Variants in MYO15A observed in about 807,000 individuals in gnomAD.
MYO15A encodes the protein unconventional myosin-XV.
A neutral mutation model predicts 394.6 loss-of-function variants in MYO15A; 308 were observed. The observed-to-expected ratio is 0.78, with a 90% confidence interval of 0.71 to 0.86. MYO15A has a LOEUF of 0.86. Among genes scored for constraint, MYO15A ranks in the 40% least tolerant of loss-of-function variants. MYO15A has a pLI of 0.00. For missense variants in MYO15A, 4,606 were observed against 4,799.1 expected, an observed-to-expected ratio of 0.96 and a Z score of 1.19; for synonymous variants, 1,957 against 2,003.8, an observed-to-expected ratio of 0.98 and a Z score of 0.62.
rs1038297850 is a variant in MYO15A, at chr17:18,148,412, C to A, written c.6692-84C>A. 3.3e-6 allele frequency: 5 copies of A among 1,513,442 alleles called. No homozygotes were observed. In the African/African-American group the frequency reaches 6.9e-5, roughly 21 times the overall value. 93.8% of individuals were successfully genotyped at this position (1,513,442 alleles called of 1,614,324 possible). A position where few individuals can be genotyped will look rare whatever the true frequency, so the allele number is the denominator to read the frequency against. On this transcript the variant is annotated intron_variant, in intron 31 of 65. Coordinates refer to ENST00000647165, the MANE Select transcript of MYO15A (RefSeq NM_016239.4). The surrounding 1 kb of genome is among the most constrained non-coding windows in gnomAD (Gnocchi z 4.8). ...GAAGTGAGGCTACAGATACAGGAAGCCTGAAAGGAAGAAGCAAGCAGGGAG... is the reference window on the plus strand; with the variant it reads ...GAAGTGAGGCTACAGATACAGGAAGACTGAAAGGAAGAAGCAAGCAGGGAG...
rs540825599 is a variant in MYO15A at position 18,132,271 on chromosome 17, G to C, written c.4207-182G>C. Among the ~76,000 whole-genome samples the C allele has an allele frequency of 6.6e-6, 1 of 152,370 alleles. No individual in the cohort carries two copies. The highest frequency in any genetic ancestry group is 2.1e-4 in the South Asian group (1 of 4,834). On this transcript the variant is annotated intron_variant, in intron 10 of 65. Transcript: ENST00000647165. The surrounding 1 kb of genome is among the most constrained non-coding windows in gnomAD (Gnocchi z 4.6). ...ACTTCAATCATACCAGGGCACCTCT[G>C]CTTCTGCCCTCACCCGCAGCTGGCA...
chr17:18,167,798 A>C, intron 62 of MYO15A, 75 bp downstream of exon 62: 2 of 1,586,714 alleles, frequency 1.3e-6, no homozygotes, highest in Non-Finnish European at 1.7e-6. Context: ...CACCCTCCTC[A>C]GAGCTGGCAG....
rs955236518 is a variant in MYO15A at position 18,150,490 on chromosome 17, G to A, written c.7274G>A (p.Gly2425Asp). The part of the protein sequence containing the change: ...RMKGGGQPGG[G>D]SSSGTEDTPR... ...AAAGGGGGAGGCCAGCCCGGTGGAGGCAGCAGTAGTGGTACTGAAGACACC... is the reference window on the plus strand; with the variant it reads ...AAAGGGGGAGGCCAGCCCGGTGGAGACAGCAGTAGTGGTACTGAAGACACC... Residue 2425 changes from glycine to aspartate, a missense_variant, in exon 36 of 66, where the codon GGC becomes GAC. This residue lies in a region of MYO15A where 2,776 missense variants were observed against 3,109.3 expected (regional missense o/e 0.89). Transcript: ENST00000647165. This position sits in a 1 kb window ranked among gnomAD's most constrained non-coding sequence, Gnocchi z 4.4. 1.9e-6 allele frequency: 3 copies of A among 1,614,178 alleles called. No homozygotes were observed. Among genetic ancestry groups the A allele is most frequent in the Non-Finnish European group, 2.5e-6 (3 of 1,180,004 alleles).
intron 64 of MYO15A, chr17:18,173,498 A>G (rs1456486002): frequency 4.3e-6 from 2 of 460,252 alleles, no homozygotes; most frequent in Non-Finnish European, 8.1e-6. Flanking sequence ...TCAGGGCACC[A>G]ATACCTCTCT....
At position 18,155,060 on chromosome 17, in the gene MYO15A, G is replaced by T. The variant is rs982629473; in HGVS notation, c.8225-50G>T. 7 of 1,547,886 alleles carry T rather than the reference G, an allele frequency of 4.5e-6. No homozygotes were observed. In the African/African-American group the frequency reaches 8.2e-5, roughly 18 times the overall value. On this transcript the variant is annotated intron_variant, in intron 45 of 65. Transcript: ENST00000647165. Reference sequence around the variant, plus strand: ...CCTCCCTGACATCCCCGAGATGGGGGTTGCCAGGGGAGTGGGGAGAGGGTC... The same window carrying T: ...CCTCCCTGACATCCCCGAGATGGGGTTTGCCAGGGGAGTGGGGAGAGGGTC...
intron 14 of MYO15A, 42 bp from the exon 15 acceptor site, chr17:18,136,521 C>CA (rs1371503141): frequency 6.2e-7 from 1 of 1,613,896 alleles, no homozygotes; most frequent in South Asian, 1.1e-5. Flanking sequence ...CCCAGCACCC[C>CA]ACCACGGTGT....
At chr17:18,140,974 A>AT in intron 21 of MYO15A, 45 bp from the exon 22 acceptor site, 1 of 1,613,214 alleles carries the variant, frequency 6.2e-7, no homozygotes, top group Non-Finnish European at 8.5e-7. Context: ...CCTTTTGCAC[A>AT]TGGCTGAGCC....
chr17:18,117,285 A>G lies in MYO15A; in HGVS notation c.-219-1297A>G, dbSNP rs1289046496. On this transcript the variant is annotated intron_variant, in intron 1 of 65. Transcript: ENST00000647165. This position sits in a 1 kb window ranked among gnomAD's most constrained non-coding sequence, Gnocchi z 4.1. Reference sequence around the variant, plus strand: ...GAAAGTGAGCAGGGGGAAGAGGCAGACAGAGAGGGGGAGACCTCACTTGCT... The same window carrying G: ...GAAAGTGAGCAGGGGGAAGAGGCAGGCAGAGAGGGGGAGACCTCACTTGCT... Among the ~76,000 whole-genome samples the G allele has an allele frequency of 2.0e-5, 3 of 152,160 alleles. No homozygotes were observed. The highest frequency in any genetic ancestry group is 4.4e-5 in the Non-Finnish European group (3 of 68,044).
chr17:18,157,973 G>A, intron 51 of MYO15A, 73 bp downstream of exon 51: 2 of 1,439,384 alleles, frequency 1.4e-6, no homozygotes, highest in Middle Eastern at 2.6e-4. Context: ...GGTGAGGCGA[G>A]TGGGGATAAG....
intron 19 of MYO15A, 101 bp downstream of exon 19, chr17:18,139,712 C>A: frequency 1.5e-6 from 2 of 1,363,474 alleles, no homozygotes; most frequent in Non-Finnish European, 2.0e-6. Context: ...CACGTCCTGG[C>A]TCCGCTTAGC....
At position 18,141,757 on chromosome 17, in the gene MYO15A, T is replaced by C; in HGVS notation, c.5636T>C (p.Val1879Ala). The C allele has an allele frequency of 6.2e-7, 1 of 1,614,078 alleles. No individual in the cohort carries two copies. Among genetic ancestry groups the C allele is most frequent in the South Asian group, 1.1e-5 (1 of 91,084 alleles). Reference protein sequence around the residue: ...LCKVMPNMYRVGVSKLFLKEH... With the variant: ...LCKVMPNMYRAGVSKLFLKEH... ...AAAGTCATGCCAAACATGTACCGTG[T>C]TGGGGTCAGCAAGGTGAGTCCTGCC... Residue 1879 changes from valine to alanine, a missense_variant, in exon 23 of 66, where the codon GTT becomes GCT. Coordinates refer to ENST00000647165, the MANE Select transcript of MYO15A (RefSeq NM_016239.4).
At chr17:18,137,949 C>G in intron 16 of MYO15A, 166 bp from the exon 17 acceptor site, 2 of 1,021,048 alleles carry the variant, frequency 2.0e-6, no homozygotes, top group Non-Finnish European at 2.9e-6. Flanking sequence ...GCAGCAGGAC[C>G]CTGAGTTGGC....
At chr17:18,168,486 C>T (rs1210095561) in intron 62 of MYO15A, among the ~76,000 whole-genome samples, 1 of 151,766 alleles carries the variant, frequency 6.6e-6, no homozygotes, top group African/African-American at 2.4e-5. Context: ...ATGACGTGAA[C>T]CCGGGAGGCG....
At chr17:18,126,721 T>C (rs2046049933) in intron 5 of MYO15A, 70 bp from the exon 6 acceptor site, 1 of 1,515,408 alleles carries the variant, frequency 6.6e-7, no homozygotes, top group African/African-American at 1.4e-5. Context: ...ATACGGATGC[T>C]CCCTGCCCAA....
intron 35 of MYO15A, 116 bp downstream of exon 35, chr17:18,149,696 G>A: frequency 2.8e-6 from 3 of 1,070,130 alleles, no homozygotes; most frequent in Middle Eastern, 5.8e-4. Context: ...ATGGGGTGGT[G>A]TGTCCCATCT....
chr17:18,177,923 A>G (rs1417760239), intron 65 of MYO15A: 4 of 152,216 alleles, frequency 2.6e-5, no homozygotes, highest in African/African-American at 9.7e-5. Context: ...GATTTCCGCA[A>G]TTCCCTGATG....
intron 7 of MYO15A, 83 bp from the exon 8 acceptor site, chr17:18,130,722 G>GGAGA: frequency 6.2e-7 from 1 of 1,609,132 alleles, no homozygotes; most frequent in South Asian, 1.1e-5. Flanking sequence ...CTAGTCTCCT[G>GGAGA]GAGAGAGTGG....
chr17:18,122,515 G>T, intron 2 of MYO15A, 106 bp downstream of exon 2: 1 of 1,459,196 alleles, frequency 6.9e-7, no homozygotes, highest in Non-Finnish European at 9.1e-7. Context: ...GAGGCTGCTT[G>T]CTGGGGCCTC....
Position 18,150,379 on chromosome 17 carries a change from C to T in MYO15A, c.7213-50C>T. On this transcript the variant is annotated intron_variant, in intron 35 of 65. Coordinates refer to ENST00000647165, the MANE Select transcript of MYO15A (RefSeq NM_016239.4). The surrounding 1 kb of genome is among the most constrained non-coding windows in gnomAD (Gnocchi z 4.4). Reference sequence around the variant, plus strand: ...TGTCAGGTGCCTGTTGCCATGGAACCTTGGGAGTACAATAATGAGATGGTC... The same window carrying T: ...TGTCAGGTGCCTGTTGCCATGGAACTTTGGGAGTACAATAATGAGATGGTC... 1 of 1,559,276 alleles carries T rather than the reference C, an allele frequency of 6.4e-7. No individual in the cohort carries two copies. Among genetic ancestry groups the T allele is most frequent in the Non-Finnish European group, 8.8e-7 (1 of 1,130,838 alleles).
Sources: gnomAD v4.1 joint callset for allele counts (sites outside exome capture counted in the v4.1 genomes callset) on GRCh38, gnomAD v4.1.1 for gene constraint, gnomAD v4.1.1 regional missense constraint, Gnocchi (gnomAD v3.1) non-coding constraint, MANE v1.5 for transcripts, NCBI Gene and HGNC (gene_info 2026-07-23, HGNC 2026-07-21) for gene names.